Variants in TTLL11 observed in about 807,000 individuals in gnomAD.
TTLL11 encodes the protein tubulin tyrosine ligase like 11, also known as tubulin polyglutamylase TTLL11.
Under a neutral mutation model 51.7 loss-of-function variants are expected in TTLL11, and 42 were observed. The observed-to-expected ratio is 0.81, with a 90% CI of 0.64 to 1.05. The LOEUF is 1.05. Among genes scored for constraint, TTLL11 ranks in the 50% least tolerant of loss-of-function variants. The probability of loss-of-function intolerance (pLI) is 0.00; values close to 1 mark genes in which losing one functional copy is unlikely to be tolerated. For missense variants in TTLL11, 799 were observed against 940.4 expected (o/e 0.85, Z 1.97); for synonymous variants, 381 against 383.5 (o/e 0.99, Z 0.08).
chr9:122,054,705 T>G (rs532385607), intron 1 of TTLL11, among the ~76,000 whole-genome samples: 79 of 152,338 alleles, frequency 5.2e-4, no homozygotes, highest in South Asian at 3.3e-3. Context: ...CATTATACCC[T>G]GCAAATTATC....
intron 7 of TTLL11, among the ~76,000 whole-genome samples, chr9:121,865,372 A>C (rs1588079818): frequency 3.3e-5 from 5 of 152,352 alleles, no homozygotes; most frequent in Admixed American, 3.3e-4. Flanking sequence ...CCAGGATCAG[A>C]AGCCACCCAG....
intron 1 of TTLL11, among the ~76,000 whole-genome samples, chr9:122,041,971 T>A (rs1157770564): frequency 1.3e-5 from 2 of 148,374 alleles, no homozygotes; most frequent in African/African-American, 4.9e-5. Flanking sequence ...AAAAACAATC[T>A]TGAAAAAAAA....
rs532720863 is a variant in TTLL11 at position 121,890,702 on chromosome 9, T to G, written c.1482-19954A>C. The stretch of plus-strand genomic sequence containing the variant: ...AATGGCAGTTCACAAAGGCAGGTAT[T>G]GTTGACAGTTTTGTGCACTGCTGAC... On this transcript the variant is annotated intron_variant, in intron 6 of 8. Transcript: ENST00000321582. This position sits in a 1 kb window ranked among gnomAD's most constrained non-coding sequence, Gnocchi z 4.3. Among the ~76,000 whole-genome samples, 12 of 152,368 alleles carry G rather than the reference T, an allele frequency of 7.9e-5. No homozygotes were observed. The South Asian group carries it at 1.7e-3, about 21-fold the overall frequency.
Position 121,853,771 on chromosome 9 carries a change from T to G in TTLL11, c.1840+6566A>C, listed in dbSNP as rs1293478822. Among the ~76,000 whole-genome samples the G allele has an allele frequency of 6.6e-6, 1 of 152,168 alleles. No individual in the cohort carries two copies. Among genetic ancestry groups the G allele is most frequent in the African/African-American group, 2.4e-5 (1 of 41,428 alleles). ...TCGCCAGGGTGGGATGAGGAGGGCCTGGCACTCTGTCAGCCACCAAGGGAG... is the reference window on the plus strand; with the variant it reads ...TCGCCAGGGTGGGATGAGGAGGGCCGGGCACTCTGTCAGCCACCAAGGGAG... On this transcript the variant is annotated intron_variant, in intron 8 of 8. Coordinates refer to ENST00000321582, the MANE Select transcript of TTLL11 (RefSeq NM_001139442.2). This position sits in a 1 kb window ranked among gnomAD's most constrained non-coding sequence, Gnocchi z 5.6.
intron 6 of TTLL11, among the ~76,000 whole-genome samples, chr9:121,883,386 T>C (rs902847329): frequency 6.6e-6 from 1 of 152,220 alleles, no homozygotes; most frequent in East Asian, 1.9e-4. Flanking sequence ...AGCTGTTATA[T>C]GACTCCTTTG....
intron 6 of TTLL11, among the ~76,000 whole-genome samples, chr9:121,944,146 T>C (rs374798785): frequency 2.4e-4 from 37 of 152,362 alleles, no homozygotes; most frequent in South Asian, 1.9e-3. Context: ...TGAATAATCA[T>C]TGAAGGACTA....
In TTLL11 at chr9:121,858,427, G is replaced by T. The variant is rs140467635; in HGVS notation, c.1840+1910C>A. On this transcript the variant is annotated intron_variant, in intron 8 of 8. Coordinates refer to ENST00000321582, the MANE Select transcript of TTLL11 (RefSeq NM_001139442.2). Reference sequence around the variant, plus strand: ...ATGGAGATAATCATATCTACCTCTAGGAGAATTCTAGCCGGTGCTGCACAT... The same window carrying T: ...ATGGAGATAATCATATCTACCTCTATGAGAATTCTAGCCGGTGCTGCACAT... 2.5e-3 allele frequency among the ~76,000 whole-genome samples: 376 copies of T among 152,324 alleles called. 3 individuals are homozygous for T. Among genetic ancestry groups the T allele is most frequent in the African/African-American group, 8.5e-3 (355 of 41,568 alleles).
chr9:122,023,863 T>C (rs1414688013), intron 3 of TTLL11, among the ~76,000 whole-genome samples: 2 of 152,206 alleles, frequency 1.3e-5, no homozygotes, highest in Non-Finnish European at 2.9e-5. Flanking sequence ...TACTTAATGA[T>C]GAAAGACGAA....
intron 4 of TTLL11, among the ~76,000 whole-genome samples, chr9:121,978,634 CAGCA>C (rs1289174642): frequency 6.6e-6 from 1 of 152,128 alleles, no homozygotes; most frequent in African/African-American, 2.4e-5. Flanking sequence ...GTAATTAAAT[CAGCA>C]ATTATGTGTT....
At chr9:122,090,498 C>T (rs1405767621) in intron 1 of TTLL11, among the ~76,000 whole-genome samples, 2 of 152,184 alleles carry the variant, frequency 1.3e-5, no homozygotes, top group Admixed American at 1.3e-4. Flanking sequence ...GATCCAAAGT[C>T]CATGACCCTA....
At chr9:121,962,837 A>C (rs1391245269) in intron 6 of TTLL11, among the ~76,000 whole-genome samples, 2 of 152,232 alleles carry the variant, frequency 1.3e-5, no homozygotes, top group South Asian at 2.1e-4. Flanking sequence ...TTCCTTACCC[A>C]TAAGCACCTG....
At chr9:121,866,333 A>C (rs1313350236) in intron 7 of TTLL11, among the ~76,000 whole-genome samples, 1 of 152,190 alleles carries the variant, frequency 6.6e-6, no homozygotes, top group African/African-American at 2.4e-5. Flanking sequence ...TTTTATGATT[A>C]GGTTGCTGTT....
At chr9:122,084,300 C>A (rs990186871) in intron 1 of TTLL11, among the ~76,000 whole-genome samples, 1 of 151,982 alleles carries the variant, frequency 6.6e-6, no homozygotes. Flanking sequence ...GGAAGGAAGC[C>A]GCCAGAAATG....
chr9:121,844,493 G>C (rs1301053021), intron 8 of TTLL11, among the ~76,000 whole-genome samples: 8 of 152,136 alleles, frequency 5.3e-5, no homozygotes, highest in African/African-American at 1.9e-4. Flanking sequence ...CTGCTAAAAG[G>C]CAGGAAAATA....
intron 6 of TTLL11, among the ~76,000 whole-genome samples, chr9:121,920,623 G>T (rs948469805): frequency 1.3e-5 from 2 of 152,172 alleles, no homozygotes; most frequent in Admixed American, 6.5e-5. Flanking sequence ...AATAAGCTTC[G>T]TACCTGAAGA....
chr9:121,848,330 T>C (rs1837575195), intron 8 of TTLL11, among the ~76,000 whole-genome samples: 1 of 152,148 alleles, frequency 6.6e-6, no homozygotes, highest in Non-Finnish European at 1.5e-5. Flanking sequence ...ATTAGACGCT[T>C]GCCTCTTAAC....
chr9:121,877,888 C>T (rs769831953), intron 6 of TTLL11, among the ~76,000 whole-genome samples: 4 of 152,136 alleles, frequency 2.6e-5, no homozygotes, highest in Non-Finnish European at 5.9e-5. Flanking sequence ...CCTCCATACA[C>T]GGGGAGCTGT....
At chr9:121,852,616 A>C (rs2131370431) in intron 8 of TTLL11, among the ~76,000 whole-genome samples, 1 of 152,234 alleles carries the variant, frequency 6.6e-6, no homozygotes, top group South Asian at 2.1e-4. Flanking sequence ...GTGACTGAGG[A>C]TGAGGAAGGA....
Position 122,061,193 on chromosome 9 carries a change from A to G in TTLL11, c.463-21825T>C, listed in dbSNP as rs576122190. On this transcript the variant is annotated intron_variant, in intron 1 of 8. Transcript: ENST00000321582. Reference sequence around the variant, plus strand: ...CTCCTTTTCTGTCTCTTATAAAGACACTTGTCATTGGATTTAGGACCCACC... The same window carrying G: ...CTCCTTTTCTGTCTCTTATAAAGACGCTTGTCATTGGATTTAGGACCCACC... 3.2e-4 allele frequency among the ~76,000 whole-genome samples: 48 copies of G among 152,304 alleles called. No homozygotes were observed. In the South Asian group the frequency reaches 4.2e-3, roughly 13 times the overall value.
Sources: gnomAD v4.1 joint callset for allele counts (sites outside exome capture counted in the v4.1 genomes callset) on GRCh38, gnomAD v4.1.1 for gene constraint, Gnocchi (gnomAD v3.1) non-coding constraint, MANE v1.5 for transcripts, NCBI Gene and HGNC (gene_info 2026-07-23, HGNC 2026-07-21) for gene names.